The following APAF1 variants were observed in gnomAD, a reference collection of about 807,000 sequenced individuals.
APAF1 encodes the protein apoptotic protease-activating factor 1.
In APAF1, 91 loss-of-function variants were observed where a neutral mutation model predicts 152.4. That is an observed-to-expected ratio of 0.60 (90% CI 0.50 to 0.71). The LOEUF is 0.71. Ranked by LOEUF, APAF1 falls within the 30% of genes least tolerant of loss-of-function variation. The pLI, the probability that APAF1 is intolerant of heterozygous loss-of-function variation, is 0.00. For missense variants in APAF1, 1,283 were observed against 1,472.0 expected (o/e 0.87, Z 2.10); for synonymous variants, 484 against 494.1 (o/e 0.98, Z 0.27).
In APAF1 at chr12:98,677,531, G is replaced by A; in HGVS notation, c.1900G>A (p.Gly634Arg). 1.2e-6 allele frequency: 2 copies of A among 1,614,086 alleles called. No homozygotes were observed. The highest frequency in any genetic ancestry group is 1.7e-6 in the Non-Finnish European group (2 of 1,180,008). The stretch of plus-strand genomic sequence containing the variant: ...GGATGGTCAGAGAATAGCTTCTTGT[G>A]GAGCTGATAAAACCTTACAGGTAAA... Reference protein sequence around the residue: ...SEDGQRIASCGADKTLQVFKA... With the variant: ...SEDGQRIASCRADKTLQVFKA... Residue 634 changes from glycine to arginine, a missense_variant, in exon 13 of 27, where the codon GGA becomes AGA. Gly to Arg is a moderately radical substitution (Grantham distance 125). Transcript: ENST00000551964.
intron 16 of APAF1, among the ~76,000 whole-genome samples, chr12:98,697,319 A>G (rs771852161): frequency 6.6e-6 from 1 of 152,062 alleles, no homozygotes; most frequent in Non-Finnish European, 1.5e-5. Context: ...ATGACACCTG[A>G]CATATTTTGT....
intron 9 of APAF1, among the ~76,000 whole-genome samples, chr12:98,666,693 C>T (rs1320729452): frequency 1.3e-5 from 2 of 152,052 alleles, no homozygotes; most frequent in Non-Finnish European, 2.9e-5. Flanking sequence ...GGCCTTGTCA[C>T]CTTTGAAGAG....
chr12:98,662,312 G>C lies in APAF1; in HGVS notation c.711-144G>C, dbSNP rs965059637. 40 of 648,946 alleles carry C rather than the reference G, an allele frequency of 6.2e-5. No homozygotes were observed. The African/African-American group carries it at 6.6e-4, about 11-fold the overall frequency. The allele number at this position is 648,946 out of a possible 1,614,324, so 40.2% of individuals were successfully genotyped here. On this transcript the variant is annotated intron_variant, in intron 5 of 26. Coordinates refer to ENST00000551964, the MANE Select transcript of APAF1 (RefSeq NM_181861.2). ...TTGAGAAGAGTATAGCAAAGAGGAA[G>C]AATCATTTTCCTAGATCTAGCCATC...
At chr12:98,664,877 G>A (rs1037058655) in intron 7 of APAF1, among the ~76,000 whole-genome samples, 4 of 151,584 alleles carry the variant, frequency 2.6e-5, no homozygotes, top group Admixed American at 1.3e-4. Flanking sequence ...TTCCCATGTT[G>A]TTAAATATTT....
At chr12:98,648,871 C>G (rs2097645588) in intron 3 of APAF1, 56 bp downstream of exon 3, 1 of 1,501,922 alleles carries the variant, frequency 6.7e-7, no homozygotes, top group Middle Eastern at 1.7e-4. Context: ...TTGGGTTTGT[C>G]TTATTGTAGA....
At chr12:98,729,556 G>T (rs1179737563) in intron 26 of APAF1, among the ~76,000 whole-genome samples, 1 of 152,228 alleles carries the variant, frequency 6.6e-6, no homozygotes, top group Admixed American at 6.5e-5. Flanking sequence ...CCACAGACCA[G>T]TACCGGTCCA....
intron 10 of APAF1, among the ~76,000 whole-genome samples, chr12:98,669,151 A>G (rs1466280067): frequency 2.0e-5 from 3 of 152,216 alleles, no homozygotes; most frequent in African/African-American, 4.8e-5. Context: ...TTACTTAACC[A>G]AACTCTAGTT....
chr12:98,659,341 A>G lies in APAF1; in HGVS notation c.708A>G (p.Pro236=). ...GCATTCTGATGCTTCGCAAACACCC[A>G]AGGTACCGATGGTCAAATTTAGTTG... ...RLRILMLRKH[P]RSLLILDDVW... is the part of the protein sequence containing the mutation. Residue 236 remains proline (P), a splice_region_variant and synonymous_variant, in exon 5 of 27, where the codon CCA becomes CCG. Transcript: ENST00000551964. The G allele has an allele frequency of 1.2e-6, 2 of 1,614,150 alleles. No homozygotes were observed. The highest frequency in any genetic ancestry group is 1.7e-6 in the Non-Finnish European group (2 of 1,180,000).
chr12:98,715,607 A>C (rs1288822889), intron 22 of APAF1, 55 bp downstream of exon 22: 1 of 1,598,742 alleles, frequency 6.3e-7, no homozygotes, highest in Non-Finnish European at 8.6e-7. Flanking sequence ...GCAAAGGAAC[A>C]CTATGATTAT....
intron 24 of APAF1, among the ~76,000 whole-genome samples, chr12:98,724,259 CTCTTT>C (rs1391237272): frequency 6.6e-6 from 1 of 152,086 alleles, no homozygotes; most frequent in East Asian, 1.9e-4. Context: ...CTGTTGATGA[CTCTTT>C]AGTGCATCTT....
At chr12:98,656,737 C>T (rs1485515000) in intron 4 of APAF1, among the ~76,000 whole-genome samples, 1 of 152,168 alleles carries the variant, frequency 6.6e-6, no homozygotes, top group Admixed American at 6.5e-5. Flanking sequence ...CTACCTTCTC[C>T]ATAACCTTCT....
At chr12:98,720,693 C>T (rs1255272744) in intron 22 of APAF1, among the ~76,000 whole-genome samples, 3 of 152,146 alleles carry the variant, frequency 2.0e-5, no homozygotes, top group South Asian at 2.1e-4. Flanking sequence ...CAGCCGGGTG[C>T]GGTGGCTCAC....
At chr12:98,688,194 C>T (rs576703546) in intron 16 of APAF1, among the ~76,000 whole-genome samples, 19 of 152,282 alleles carry the variant, frequency 1.2e-4, no homozygotes, top group Middle Eastern at 6.8e-3. Context: ...CTCAAATCCC[C>T]ACCTTCTCCA....
intron 19 of APAF1, 145 bp downstream of exon 19, chr12:98,706,755 A>G: frequency 4.4e-6 from 4 of 915,684 alleles, no homozygotes; most frequent in Non-Finnish European, 7.0e-6. Context: ...AAGTGCTGTT[A>G]TATGGACTGT....
intron 7 of APAF1, among the ~76,000 whole-genome samples, 162 bp from the exon 8 acceptor site, chr12:98,665,391 T>G (rs1421856760): frequency 6.6e-6 from 1 of 151,406 alleles, no homozygotes; most frequent in Admixed American, 6.6e-5. Flanking sequence ...CTAATTTTTT[T>G]TGGGATAAAT....
intron 4 of APAF1, among the ~76,000 whole-genome samples, chr12:98,653,192 C>G (rs1025059483): frequency 1.3e-5 from 2 of 152,102 alleles, no homozygotes; most frequent in Non-Finnish European, 2.9e-5. Flanking sequence ...CTCTGGAGTT[C>G]ACTTCCATTC....
chr12:98,724,392 C>T (rs1218185935), intron 24 of APAF1, among the ~76,000 whole-genome samples: 2 of 152,210 alleles, frequency 1.3e-5, no homozygotes, highest in Non-Finnish European at 2.9e-5. Context: ...ATCTTCCATA[C>T]CACTGCCTGT....
rs1317108697 is a variant in APAF1 at position 98,727,986 on chromosome 12, TA to T, written c.3600+677del. 4.0e-5 allele frequency among the ~76,000 whole-genome samples: 6 copies of T among 148,584 alleles called. No homozygotes were observed. The East Asian group carries it at 5.8e-4, about 14-fold the overall frequency. ...TAAATAAATTAATTAATTAATTAAT[TA>T]AAAAAATAAATAAAAAGGAAAAGAA... is the stretch of plus-strand genomic sequence containing the variant. On this transcript the variant is annotated intron_variant, in intron 26 of 26. Coordinates refer to ENST00000551964, the MANE Select transcript of APAF1 (RefSeq NM_181861.2).
intron 12 of APAF1, among the ~76,000 whole-genome samples, chr12:98,674,439 G>GTCTCTCTCTCTCTC (rs34546993): frequency 1.3e-5 from 2 of 149,268 alleles, no homozygotes; most frequent in African/African-American, 4.9e-5. Flanking sequence ...TGAAGTGGAG[G>GTCTCTCTCTCTCTC]TCTCTCTCTC....
Sources: gnomAD v4.1 joint callset for allele counts (sites outside exome capture counted in the v4.1 genomes callset) on GRCh38, gnomAD v4.1.1 for gene constraint, MANE v1.5 for transcripts, NCBI Gene and HGNC (gene_info 2026-07-23, HGNC 2026-07-21) for gene names.